Variants in CSF2RA observed in about 807,000 individuals in gnomAD.
CSF2RA encodes the protein granulocyte-macrophage colony-stimulating factor receptor subunit alpha.
Under a neutral mutation model 51.6 loss-of-function variants are expected in CSF2RA, and 42 were observed. The observed-to-expected ratio is 0.81, with a 90% CI of 0.64 to 1.05. The LOEUF is 1.05. CSF2RA is among the 50% of genes least tolerant of loss of function. The pLI is 0.00. For synonymous variants in CSF2RA, 222 were observed against 193.0 expected (o/e 1.15, Z -1.24); for missense variants, 530 against 501.1 (o/e 1.06, Z -0.55).
intron 2 of CSF2RA, among the ~76,000 whole-genome samples, chrX:1,276,193 GTTTGTTT>G (rs1271108031): frequency 6.7e-6 from 1 of 149,734 alleles, no homozygotes; most frequent in African/African-American, 2.5e-5. Flanking sequence ...TTGTTTGTTT[GTTTGTTT>G]GTTTTTGTTT....
chrX:1,321,954 G>A, the CSF2RA span, among the ~76,000 whole-genome samples: 1,261 of 152,086 alleles, frequency 8.3e-3, 18 homozygotes, highest in African/African-American at 0.028. Context: ...TGACCAACGT[G>A]GTGAAACCCC....
chrX:1,314,226 ACTGCACCTGCCCAACCC>A (rs1407985162), downstream of CSF2RA, among the ~76,000 whole-genome samples: 4 of 106,504 alleles, frequency 3.8e-5, no homozygotes, highest in African/African-American at 1.2e-4. Flanking sequence ...GCCCAACCCC[ACTGCACCTGCCCAACCC>A]CACTGCACCT....
intron 10 of CSF2RA, chrX:1,302,984 G>A (rs2083152604): frequency 4.1e-6 from 1 of 246,682 alleles, no homozygotes; most frequent in Non-Finnish European, 7.4e-6. Context: ...CGATTCTCCT[G>A]CCTCAGCCTC....
intron 2 of CSF2RA, among the ~76,000 whole-genome samples, chrX:1,281,215 TC>T (rs1398589144): frequency 1.6e-5 from 2 of 128,468 alleles, no homozygotes; most frequent in South Asian, 2.9e-4. Flanking sequence ...CTCCTCCTTC[TC>T]CTACTCCTCC....
At chrX:1,285,192 C>G (rs1244514391) in intron 3 of CSF2RA, among the ~76,000 whole-genome samples, 1 of 152,084 alleles carries the variant, frequency 6.6e-6, no homozygotes. Context: ...TGAGCCACCA[C>G]CCCCAGTCTT....
intron 9 of CSF2RA, 92 bp from the exon 10 acceptor site, chrX:1,300,399 G>T: frequency 6.8e-7 from 1 of 1,464,706 alleles, no homozygotes. Flanking sequence ...AAGAAAAGGA[G>T]AAAAAAACTT....
chrX:1,298,873 G>A (rs2092182520), intron 9 of CSF2RA, among the ~76,000 whole-genome samples: 1 of 152,090 alleles, frequency 6.6e-6, no homozygotes, highest in Non-Finnish European at 1.5e-5. Flanking sequence ...AGGAGAGCCT[G>A]CCCCACGTCT....
downstream of CSF2RA, among the ~76,000 whole-genome samples, chrX:1,314,573 A>G (rs1380525461): frequency 0.019 from 724 of 37,342 alleles, 110 homozygotes; most frequent in African/African-American, 0.053. Context: ...ATCCCACTGC[A>G]CCTGCCCAAC....
Position 1,309,452 on chromosome X carries a change from G to C in CSF2RA, c.1176G>C (p.Glu392Asp), listed in dbSNP as rs1201949339. The change falls in exon 13 of 13, where the codon GAG becomes GAC. Residue 392 changes from glutamate (E) to aspartate (D), a missense_variant. Transcript: ENST00000381529. Reference sequence around the variant, plus strand: ...AGGAAGGGAAAGGCTACCGCGAAGAGGTCTTGACCGTGAAGGAAATTACCT... The same window carrying C: ...AGGAAGGGAAAGGCTACCGCGAAGACGTCTTGACCGTGAAGGAAATTACCT... ...TPEEGKGYREEVLTVKEIT is the reference protein window; with the variant it reads ...TPEEGKGYREDVLTVKEIT 2.2e-5 allele frequency: 36 copies of C among 1,613,878 alleles called. No homozygotes were observed. In the East Asian group the frequency reaches 2.9e-4, roughly 13 times the overall value.
chrX:1,280,946 GCTT>G (rs1221865929), intron 2 of CSF2RA, among the ~76,000 whole-genome samples: 19 of 10,936 alleles, frequency 1.7e-3, no homozygotes, highest in African/African-American at 6.3e-3. Context: ...TCCTCCTCCT[GCTT>G]CTCCTCCTCC....
downstream of CSF2RA, among the ~76,000 whole-genome samples, chrX:1,314,361 T>TGCATCTGCCCAACCACACA (rs1569514791): frequency 5.2e-5 from 2 of 38,658 alleles, no homozygotes; most frequent in East Asian, 3.3e-3. Flanking sequence ...CCAACCCCAC[T>TGCATCTGCCCAACCACACA]GCATCTGCCC....
chrX:1,277,195 C>A lies in CSF2RA; in HGVS notation c.-27+2377C>A, dbSNP rs2089291233. 2.0e-5 allele frequency among the ~76,000 whole-genome samples: 3 copies of A among 152,086 alleles called. No individual in the cohort carries two copies. In the South Asian group the frequency reaches 6.2e-4, roughly 32 times the overall value. ...TAGAAGTCGCTCATTATAACCCCTTCCTACCCCATCTCATGCTTCCCTTAA... is the reference window on the plus strand; with the variant it reads ...TAGAAGTCGCTCATTATAACCCCTTACTACCCCATCTCATGCTTCCCTTAA... On this transcript the variant is annotated intron_variant, in intron 2 of 12. Coordinates refer to ENST00000381529, the MANE Select transcript of CSF2RA (RefSeq NM_172245.4).
chrX:1,305,695 C>T (rs767734650), intron 12 of CSF2RA, 168 bp downstream of exon 12: 30 of 1,563,724 alleles, frequency 1.9e-5, no homozygotes, highest in African/African-American at 9.5e-5. Flanking sequence ...TCTCCCGGGT[C>T]GGGGTCTTCT....
intron 11 of CSF2RA, among the ~76,000 whole-genome samples, chrX:1,305,119 G>C (rs1478391772): frequency 1.3e-5 from 2 of 150,730 alleles, no homozygotes; most frequent in African/African-American, 4.9e-5. Context: ...TCAGCCTCCT[G>C]AATAGCTGGG....
intron 1 of CSF2RA, among the ~76,000 whole-genome samples, chrX:1,273,156 G>A (rs1174199358): frequency 4.6e-5 from 7 of 151,862 alleles, no homozygotes; most frequent in African/African-American, 1.7e-4. Flanking sequence ...TCCTATCTAA[G>A]AGGTCTGAGG....
chrX:1,313,570 G>C (rs1347867433), downstream of CSF2RA, among the ~76,000 whole-genome samples: 3 of 151,958 alleles, frequency 2.0e-5, no homozygotes, highest in Non-Finnish European at 2.9e-5. Context: ...AAAAAAGCCA[G>C]GTGTGGTGGC....
intron 9 of CSF2RA, among the ~76,000 whole-genome samples, chrX:1,298,913 T>C (rs2092186288): frequency 1.3e-5 from 2 of 151,796 alleles, no homozygotes; most frequent in South Asian, 4.2e-4. Flanking sequence ...AGGAGAATAC[T>C]CTGCCCGACA....
chrX:1,284,660 ATTTT>A (rs61159606), intron 3 of CSF2RA, among the ~76,000 whole-genome samples: 3 of 24,444 alleles, frequency 1.2e-4, no homozygotes, highest in African/African-American at 1.7e-4. Flanking sequence ...CTAGTTTTTG[ATTTT>A]TTTTTTTTTT....
At chrX:1,315,117 A>G (rs1372676131), downstream of CSF2RA, among the ~76,000 whole-genome samples, 1 of 151,858 alleles carries the variant, frequency 6.6e-6, no homozygotes, top group Non-Finnish European at 1.5e-5. Flanking sequence ...TGGGAGTCAC[A>G]CTGTGGGGGG....
Sources: allele counts gnomAD v4.1 joint callset (sites outside exome capture counted in the v4.1 genomes callset), GRCh38; gene constraint gnomAD v4.1.1; transcripts MANE v1.5; gene names NCBI Gene and HGNC (gene_info 2026-07-23, HGNC 2026-07-21).